HECTD4: variants seen among roughly 807,000 people sequenced by gnomAD.
The protein encoded by HECTD4 is HECT domain E3 ubiquitin protein ligase 4, also known as probable E3 ubiquitin-protein ligase HECTD4.
In HECTD4, 114 loss-of-function variants were observed where a neutral mutation model predicts 471.5. That is an observed-to-expected ratio of 0.24 (90% confidence interval 0.21 to 0.28). The LOEUF (loss-of-function observed/expected upper bound fraction) is 0.28. HECTD4 is among the 10% of genes least tolerant of loss of function. HECTD4 has a pLI of 1.00. For missense variants in HECTD4, 3,866 were observed against 5,651.5 expected (o/e 0.68, Z 10.13); for synonymous variants, 2,012 against 2,256.0 (o/e 0.89, Z 3.07).
chr12:112,269,823 T>G lies in HECTD4; in HGVS notation c.2202A>C (p.Pro734=). The G allele has an allele frequency of 6.2e-7, 1 of 1,613,976 alleles. No homozygotes were observed. The stretch of plus-strand genomic sequence containing the variant: ...TGATGTCTCGATTCCTTTCAGTTTG[T>G]GGGCTGAAGAAAAATTTAAATACCA... ...FQVVFKFFFS[P]QTERNRDIIR... is the part of the protein sequence containing the mutation. The change falls in exon 13 of 76, where the codon CCA becomes CCC. Residue 734 remains proline, a synonymous_variant. Transcript: ENST00000682272.
chr12:112,315,763 G>T (rs999449338), intron 2 of HECTD4, among the ~76,000 whole-genome samples: 3 of 152,012 alleles, frequency 2.0e-5, no homozygotes, highest in African/African-American at 2.4e-5. Context: ...GGGTGCAGTG[G>T]CTCACACCTG....
Position 112,265,260 on chromosome 12 carries a change from A to G in HECTD4, c.2534T>C (p.Ile845Thr), listed in dbSNP as rs374872175. The G allele has an allele frequency of 6.9e-6, 11 of 1,585,492 alleles. No individual in the cohort carries two copies. Among genetic ancestry groups the G allele is most frequent in the African/African-American group, 6.7e-5 (5 of 74,244 alleles). Residue 845 changes from isoleucine to threonine, a missense_variant, in exon 16 of 76, where the codon ATT (isoleucine) becomes ACT (threonine). Ile to Thr is a moderately conservative substitution (Grantham distance 89, BLOSUM62 -1). Transcript: ENST00000682272. ...TAAGATACAGGATTCTCGTACAACAATCTTCAGAATGTAGTGTAAAAGTTC... is the reference window on the plus strand; with the variant it reads ...TAAGATACAGGATTCTCGTACAACAGTCTTCAGAATGTAGTGTAAAAGTTC... ...NDELLHYILK[I>T]VVRESCILIT...
intron 7 of HECTD4, among the ~76,000 whole-genome samples, chr12:112,293,125 G>C (rs2034927489): frequency 6.6e-6 from 1 of 152,046 alleles, no homozygotes; most frequent in Non-Finnish European, 1.5e-5. Context: ...CAGCAGTTTG[G>C]GAGGCCGAGG....
At chr12:112,317,956 C>CAAAAA (rs59773169) in intron 2 of HECTD4, among the ~76,000 whole-genome samples, 11 of 22,228 alleles carry the variant, frequency 4.9e-4, no homozygotes, top group African/African-American at 1.3e-3. Context: ...GACCCCATCT[C>CAAAAA]AAAAAAAAAA....
intron 66 of HECTD4, 150 bp downstream of exon 66, chr12:112,175,586 T>C: frequency 1.1e-6 from 1 of 913,250 alleles, no homozygotes; most frequent in Non-Finnish European, 1.6e-6. Flanking sequence ...AGAAAACCCA[T>C]TTAGCACTTA....
chr12:112,361,358 C>T (rs2036445363), intron 1 of HECTD4, among the ~76,000 whole-genome samples: 1 of 152,014 alleles, frequency 6.6e-6, no homozygotes, highest in African/African-American at 2.4e-5. Context: ...ACAGCCTCAA[C>T]CTCTAGGCTC....
At chr12:112,301,816 A>C in intron 7 of HECTD4, 1 of 580,922 alleles carries the variant, frequency 1.7e-6, no homozygotes. Context: ...TTTTTTAAGG[A>C]AAATTTGTAT....
chr12:112,184,936 CGATGCT>C lies in HECTD4; in HGVS notation c.10024_10029del (p.Ser3342_Ile3343del). 6.2e-7 allele frequency: 1 copy of C among 1,613,820 alleles called. No homozygotes were observed. The highest frequency in any genetic ancestry group is 1.1e-5 in the South Asian group (1 of 91,066). ...AGCATGTCCTCGGGCTTGCTGCCTCCGATGCTGAGCACGGTGGGGTCCGAGTCCACG... is the reference window on the plus strand; with the variant it reads ...AGCATGTCCTCGGGCTTGCTGCCTCCGAGCACGGTGGGGTCCGAGTCCACG... On this transcript the variant is annotated inframe_deletion, in exon 61 of 76. Transcript: ENST00000682272. This position sits in a 1 kb window ranked among gnomAD's most constrained non-coding sequence, Gnocchi z 9.1.
At chr12:112,363,882 A>G (rs1218945704) in intron 1 of HECTD4, among the ~76,000 whole-genome samples, 1 of 149,912 alleles carries the variant, frequency 6.7e-6, no homozygotes, top group Non-Finnish European at 1.5e-5. Context: ...AGGCTGAGGC[A>G]GGAGAATTGC....
At chr12:112,238,981 T>C (rs1292678717) in intron 34 of HECTD4, 71 bp downstream of exon 34, 6 of 1,432,826 alleles carry the variant, frequency 4.2e-6, no homozygotes, top group Non-Finnish European at 5.6e-6. Flanking sequence ...TCATTTAGCA[T>C]AAAAAAACCA....
chr12:112,305,234 G>A (rs1441230821), intron 7 of HECTD4, among the ~76,000 whole-genome samples: 2 of 152,086 alleles, frequency 1.3e-5, no homozygotes, highest in African/African-American at 4.8e-5. Flanking sequence ...AATTTAAATA[G>A]CAACGTATGG....
intron 59 of HECTD4, among the ~76,000 whole-genome samples, chr12:112,192,283 A>G (rs953981106): frequency 2.6e-5 from 4 of 152,222 alleles, no homozygotes; most frequent in Non-Finnish European, 5.9e-5. Flanking sequence ...GTATCATTCT[A>G]AACAGACACA....
chr12:112,336,619 ATGAT>A (rs547460714), intron 1 of HECTD4, among the ~76,000 whole-genome samples: 82 of 152,024 alleles, frequency 5.4e-4, no homozygotes, highest in African/African-American at 1.8e-3. Context: ...TTTAAAAGAT[ATGAT>A]TGATTGTGGT....
chr12:112,208,477 G>T lies in HECTD4; in HGVS notation c.8004+17C>A. On this transcript the variant is annotated intron_variant, in intron 51 of 75. Coordinates refer to ENST00000682272, the MANE Select transcript of HECTD4 (RefSeq NM_001388303.1). ...CAAATGCTGCTGAGTCCTGATCTAA[G>T]CCTGTGGGTCTCTTACCTGAGGGAT... 2 of 1,566,306 alleles carry T rather than the reference G, an allele frequency of 1.3e-6. No individual in the cohort carries two copies. The highest frequency in any genetic ancestry group is 8.6e-7 in the Non-Finnish European group (1 of 1,159,804).
intron 1 of HECTD4, among the ~76,000 whole-genome samples, chr12:112,320,545 A>T (rs2035564011): frequency 6.6e-6 from 1 of 150,694 alleles, no homozygotes; most frequent in Admixed American, 6.6e-5. Flanking sequence ...TAAAAATACA[A>T]AAAAAATTAG....
At chr12:112,293,677 T>C (rs1383849619) in intron 7 of HECTD4, among the ~76,000 whole-genome samples, 1 of 152,162 alleles carries the variant, frequency 6.6e-6, no homozygotes, top group East Asian at 1.9e-4. Context: ...CACAAACACA[T>C]GCACTTGTTT....
intron 7 of HECTD4, among the ~76,000 whole-genome samples, chr12:112,295,227 A>G (rs1157309286): frequency 1.3e-5 from 2 of 152,152 alleles, no homozygotes; most frequent in African/African-American, 2.4e-5. Flanking sequence ...AAGCAAATAA[A>G]TGAGCAGTAA....
intron 64 of HECTD4, among the ~76,000 whole-genome samples, chr12:112,177,359 A>G (rs894527669): frequency 1.3e-5 from 2 of 150,534 alleles, no homozygotes; most frequent in African/African-American, 4.9e-5. Context: ...ATATCCATAC[A>G]TGGAATGTTA....
At chr12:112,236,918 C>T (rs1231405819) in intron 35 of HECTD4, 27 bp downstream of exon 35, 4 of 1,514,814 alleles carry the variant, frequency 2.6e-6, no homozygotes, top group Non-Finnish European at 3.6e-6. Flanking sequence ...CAGCTTCTCC[C>T]AGAGCTCCAG....
Sources: allele counts gnomAD v4.1 joint callset (sites outside exome capture counted in the v4.1 genomes callset), GRCh38; gene constraint gnomAD v4.1.1; non-coding constraint Gnocchi (gnomAD v3.1); transcripts MANE v1.5; gene names NCBI Gene and HGNC (gene_info 2026-07-23, HGNC 2026-07-21).